The following RGS5 variants were observed in gnomAD, a reference collection of about 807,000 sequenced individuals.
RGS5 encodes the protein regulator of G-protein signalling 5.
In RGS5, 20 loss-of-function variants were observed where a neutral mutation model predicts 18.9. That is an observed-to-expected ratio of 1.06 (90% CI 0.74 to 1.54). The LOEUF is 1.54. Among genes scored for constraint, RGS5 ranks in the 40% most tolerant of loss-of-function variants. The probability of loss-of-function intolerance (pLI) is 0.00; values close to 1 mark genes in which losing one functional copy is unlikely to be tolerated. For synonymous variants in RGS5, 57 were observed against 76.2 expected (o/e 0.75, Z 1.31); for missense variants, 201 against 211.8 (o/e 0.95, Z 0.32).
chr1:163,220,679 C>T (rs919326047), upstream of RGS5, among the ~76,000 whole-genome samples: 7 of 152,064 alleles, frequency 4.6e-5, no homozygotes, highest in Admixed American at 3.3e-4. Context: ...AACCTGTAAA[C>T]ATGTCACCTT....
chr1:163,218,715 A>G (rs1168045950), upstream of RGS5, among the ~76,000 whole-genome samples: 1 of 152,176 alleles, frequency 6.6e-6, no homozygotes, highest in East Asian at 1.9e-4. Flanking sequence ...AGGTTAGGAA[A>G]CTTTACCCAA....
intron 2 of RGS5, among the ~76,000 whole-genome samples, chr1:163,266,036 G>C (rs1199515798): frequency 1.3e-5 from 2 of 152,050 alleles, no homozygotes; most frequent in African/African-American, 4.8e-5. Context: ...CTGGACTCCA[G>C]GTGGAGGCTG....
At chr1:163,301,340 CT>C (rs11384334) in intron 2 of RGS5, among the ~76,000 whole-genome samples, 10 of 149,416 alleles carry the variant, frequency 6.7e-5, no homozygotes, top group Admixed American at 6.7e-5. Context: ...CAGAATGAGT[CT>C]TTTTTTTTTG....
chr1:163,296,666 C>T (rs1460730031), intron 2 of RGS5, among the ~76,000 whole-genome samples: 1 of 152,100 alleles, frequency 6.6e-6, no homozygotes, highest in African/African-American at 2.4e-5. Flanking sequence ...AACTATTAAC[C>T]TTTTCCTTTT....
chr1:163,155,371 G>T (rs1189366898), intron 3 of RGS5, among the ~76,000 whole-genome samples: 2 of 152,122 alleles, frequency 1.3e-5, no homozygotes, highest in African/African-American at 4.8e-5. Flanking sequence ...CCATTTCCTG[G>T]ATACTAATTT....
intron 1 of RGS5, among the ~76,000 whole-genome samples, chr1:163,213,728 A>G (rs192772945): frequency 2.6e-5 from 4 of 152,256 alleles, no homozygotes; most frequent in African/African-American, 9.6e-5. Flanking sequence ...AAGAACTTCA[A>G]CTGCAGGATC....
In RGS5 at chr1:163,290,653, C is replaced by CA. The variant is rs66595263; in HGVS notation, c.-281+15579dup. 8.9e-3 allele frequency among the ~76,000 whole-genome samples: 1,148 copies of CA among 128,638 alleles called. 15 individuals carry two copies. The highest frequency in any genetic ancestry group is 0.037 in the East Asian group (146 of 3,946). The allele number at this position is 128,638 out of a possible 152,430, so 84.4% of individuals were successfully genotyped here. A position where few individuals can be genotyped will look rare whatever the true frequency, so the allele number is the denominator to read the frequency against. ...TCCAGAAGACATGTGCAGCTCATAC[C>CA]AAAAAAAAAAAAAAAAATGAATATT... On this transcript the variant is annotated intron_variant, in intron 2 of 5. Coordinates refer to the RGS5 transcript ENST00000618415.
intron 2 of RGS5, among the ~76,000 whole-genome samples, chr1:163,264,728 A>G (rs1648534008): frequency 6.6e-6 from 1 of 152,064 alleles, no homozygotes; most frequent in Non-Finnish European, 1.5e-5. Flanking sequence ...TCTGATTATG[A>G]TCTCCTATCC....
chr1:163,192,566 G>A (rs1334704893), intron 1 of RGS5, among the ~76,000 whole-genome samples: 1 of 152,132 alleles, frequency 6.6e-6, no homozygotes, highest in Non-Finnish European at 1.5e-5. Context: ...ACCAGGCCCA[G>A]GTACACTTTC....
intron 1 of RGS5, chr1:163,319,293 T>C (rs1650121977): frequency 6.6e-6 from 1 of 152,196 alleles, no homozygotes; most frequent in African/African-American, 2.4e-5. Flanking sequence ...AAGTGCAGTC[T>C]AGAAAAGGAA....
intron 2 of RGS5, 38 bp downstream of exon 2, chr1:163,168,220 T>C (rs1658139860): frequency 6.8e-7 from 1 of 1,464,280 alleles, no homozygotes; most frequent in African/African-American, 1.4e-5. Flanking sequence ...ATAGCCATCC[T>C]CTGGAGGAAA....
intron 1 of RGS5, 89 bp downstream of exon 1, chr1:163,202,703 T>C: frequency 8.4e-7 from 1 of 1,189,572 alleles, no homozygotes; most frequent in Non-Finnish European, 1.2e-6. Context: ...AGCCATAAAC[T>C]ACAATACCTC....
intron 2 of RGS5, among the ~76,000 whole-genome samples, chr1:163,300,167 T>C (rs1005019669): frequency 1.3e-5 from 2 of 152,192 alleles, no homozygotes; most frequent in Non-Finnish European, 2.9e-5. Flanking sequence ...GAAGTGTGAA[T>C]GATGTTAGTG....
chr1:163,291,697 G>A (rs571923551), intron 2 of RGS5, among the ~76,000 whole-genome samples: 1 of 152,038 alleles, frequency 6.6e-6, no homozygotes, highest in South Asian at 2.1e-4. Flanking sequence ...CTCAGTGAAA[G>A]AGGCCAGCTT....
chr1:163,199,255 T>C (rs1659686100), intron 1 of RGS5, among the ~76,000 whole-genome samples: 1 of 152,164 alleles, frequency 6.6e-6, no homozygotes. Context: ...TGCCCAAATG[T>C]TTGAATTATT....
chr1:163,271,966 A>T (rs7518223), intron 2 of RGS5, among the ~76,000 whole-genome samples: 46,135 of 151,686 alleles, frequency 0.3, 7,059 homozygotes, highest in Non-Finnish European at 0.32. Context: ...GTATTGTCTT[A>T]TTTATTTTTT....
At chr1:163,183,308 G>C (rs190150234) in intron 1 of RGS5, among the ~76,000 whole-genome samples, 256 of 152,280 alleles carry the variant, frequency 1.7e-3, no homozygotes, top group Middle Eastern at 0.014. Flanking sequence ...ACTGATTCAT[G>C]CATTCAATTC....
chr1:163,319,275 A>G (rs10494385), intron 1 of RGS5: 7,358 of 152,358 alleles, frequency 0.048, 208 homozygotes, highest in South Asian at 0.072. Flanking sequence ...TCTGTCATCC[A>G]GAATTTAAAG....
At chr1:163,302,128 A>G (rs1277241045) in intron 2 of RGS5, among the ~76,000 whole-genome samples, 1 of 152,168 alleles carries the variant, frequency 6.6e-6, no homozygotes, top group Non-Finnish European at 1.5e-5. Context: ...ACCTGCTACA[A>G]TAAAATAAGA....
Sources: allele counts gnomAD v4.1 joint callset (sites outside exome capture counted in the v4.1 genomes callset), GRCh38; gene constraint gnomAD v4.1.1; transcripts MANE v1.5; gene names NCBI Gene and HGNC (gene_info 2026-07-23, HGNC 2026-07-21).